SEMA6D: variants seen among roughly 807,000 people sequenced by gnomAD.
SEMA6D encodes the protein semaphorin 6D.
A neutral mutation model predicts 106.6 loss-of-function variants in SEMA6D; 35 were observed. The observed-to-expected ratio is 0.33, with a 90% confidence interval of 0.25 to 0.44. The LOEUF (loss-of-function observed/expected upper bound fraction) is 0.44, where lower values mean the gene tolerates loss of function less well. Ranked by LOEUF, SEMA6D falls within the 20% of genes least tolerant of loss-of-function variation. The pLI is 1.00. For missense variants in SEMA6D, 1,185 were observed against 1,345.9 expected (o/e 0.88, Z 1.87); for synonymous variants, 499 against 487.7 (o/e 1.02, Z -0.31).
At chr15:47,384,489 T>A in intron 1 of SEMA6D, among the ~76,000 whole-genome samples, 1 of 152,252 alleles carries the variant, frequency 6.6e-6, no homozygotes, top group East Asian at 1.9e-4. Flanking sequence ...CCCTGCATGC[T>A]TGCACATGCT....
chr15:47,597,755 A>C (rs1487345232), intron 3 of SEMA6D, among the ~76,000 whole-genome samples: 1 of 151,622 alleles, frequency 6.6e-6, no homozygotes, highest in Non-Finnish European at 1.5e-5. Context: ...GTCAAAGGGC[A>C]GAAAGTTGCA....
At chr15:47,617,764 T>G (rs2077033302) in intron 4 of SEMA6D, among the ~76,000 whole-genome samples, 1 of 152,218 alleles carries the variant, frequency 6.6e-6, no homozygotes. Flanking sequence ...GGTACCTACC[T>G]CTTAGGGCTG....
intron 4 of SEMA6D, among the ~76,000 whole-genome samples, chr15:47,646,049 T>G (rs147381736): frequency 6.6e-6 from 1 of 152,084 alleles, no homozygotes; most frequent in African/African-American, 2.4e-5. Context: ...TTATGGTGGC[T>G]TCATTATGTA....
At chr15:47,451,389 T>C (rs1198054561) in intron 2 of SEMA6D, among the ~76,000 whole-genome samples, 2 of 151,922 alleles carry the variant, frequency 1.3e-5, no homozygotes, top group Non-Finnish European at 2.9e-5. Flanking sequence ...TGCATGGACA[T>C]GGAGGATGGT....
chr15:47,417,401 G>A (rs1026419793), intron 2 of SEMA6D, among the ~76,000 whole-genome samples: 4 of 126,718 alleles, frequency 3.2e-5, no homozygotes, highest in African/African-American at 6.1e-5. Context: ...TGCTTATACT[G>A]TGTGTGTGTA....
chr15:47,408,501 T>G (rs887601937), intron 1 of SEMA6D, among the ~76,000 whole-genome samples: 2 of 152,210 alleles, frequency 1.3e-5, no homozygotes, highest in African/African-American at 4.8e-5. Flanking sequence ...ACTAAATAAC[T>G]TATAATGCTT....
intron 1 of SEMA6D, among the ~76,000 whole-genome samples, chr15:47,352,077 A>C (rs559576997): frequency 6.6e-6 from 1 of 152,338 alleles, no homozygotes; most frequent in African/African-American, 2.4e-5. Flanking sequence ...TAAATGTGGA[A>C]ACTGGAAATC....
Position 47,764,950 on chromosome 15 carries a change from G to A in SEMA6D, c.1321G>A (p.Val441Ile), listed in dbSNP as rs746812700. 1 of 1,613,816 alleles carries A rather than the reference G, an allele frequency of 6.2e-7. No individual in the cohort carries two copies. Among genetic ancestry groups the A allele is most frequent in the Non-Finnish European group, 8.5e-7 (1 of 1,179,882 alleles). Residue 441 changes from valine to isoleucine, a missense_variant, in exon 13 of 19, where the codon GTT becomes ATT. This residue lies in a region of SEMA6D where 291 missense variants were observed against 423.8 expected (regional missense o/e 0.69). Coordinates refer to ENST00000536845, the MANE Select transcript of SEMA6D (RefSeq NM_001358351.3). The part of the protein sequence containing the change: ...GPYQNYTVIF[V>I]GSEAGMVLKV... ...CTACCAGAACTACACAGTCATCTTT[G>A]TTGGCTCTGAAGCTGGCATGGTACT...
chr15:47,760,274 A>G (rs1345277850), intron 2 of SEMA6D, 30 bp from the exon 3 acceptor site: 1 of 1,494,116 alleles, frequency 6.7e-7, no homozygotes, highest in Non-Finnish European at 9.3e-7. Context: ...CATAATCCTG[A>G]ATGATGGTTT....
chr15:47,730,110 T>C lies in SEMA6D; in HGVS notation c.-55+12418T>C, dbSNP rs2080018219. The C allele has an allele frequency of 4.6e-6, 4 of 868,750 alleles. No homozygotes were observed. In the Admixed American group the frequency reaches 8.7e-5, roughly 19 times the overall value. 53.8% of individuals were successfully genotyped at this position (868,750 alleles called of 1,614,324 possible). A position where few individuals can be genotyped will look rare whatever the true frequency, so the allele number is the denominator to read the frequency against. On this transcript the variant is annotated intron_variant, in intron 1 of 18. Coordinates refer to ENST00000536845, the MANE Select transcript of SEMA6D (RefSeq NM_001358351.3). ...AGGAAAATTTATATTATTTTAATTA[T>C]TTTATGTACAGAAAACTCAACAGTG...
At chr15:47,604,405 C>G (rs2076731157) in intron 4 of SEMA6D, among the ~76,000 whole-genome samples, 1 of 152,114 alleles carries the variant, frequency 6.6e-6, no homozygotes. Context: ...TAAGCTATTT[C>G]ATTTCTTAGG....
intron 1 of SEMA6D, among the ~76,000 whole-genome samples, chr15:47,237,431 A>T (rs983982521): frequency 1.7e-5 from 2 of 119,162 alleles, no homozygotes; most frequent in African/African-American, 5.1e-5. Flanking sequence ...GTTTCTAGTA[A>T]TTTTTTTCAC....
At chr15:47,613,454 G>A (rs2076949692) in intron 4 of SEMA6D, among the ~76,000 whole-genome samples, 1 of 152,140 alleles carries the variant, frequency 6.6e-6, no homozygotes, top group African/African-American at 2.4e-5. Flanking sequence ...TCTCTCGGAG[G>A]AAGATAGCAA....
intron 1 of SEMA6D, among the ~76,000 whole-genome samples, chr15:47,352,453 TA>T (rs961950290): frequency 2.0e-5 from 3 of 152,198 alleles, no homozygotes; most frequent in Non-Finnish European, 4.4e-5. Context: ...TACACACTGT[TA>T]TTTCCTCCTT....
intron 3 of SEMA6D, among the ~76,000 whole-genome samples, chr15:47,515,004 T>G (rs905152530): frequency 1.1e-4 from 17 of 152,330 alleles, no homozygotes; most frequent in African/African-American, 4.1e-4. Context: ...GTACCTATTA[T>G]TATTTGATCT....
chr15:47,495,536 A>G (rs968541326), intron 3 of SEMA6D, among the ~76,000 whole-genome samples: 7 of 151,982 alleles, frequency 4.6e-5, no homozygotes, highest in Admixed American at 3.3e-4. Context: ...TTATGAATCC[A>G]TGAATCGCAA....
intron 1 of SEMA6D, among the ~76,000 whole-genome samples, chr15:47,726,828 T>C (rs1026465001): frequency 2.6e-5 from 4 of 152,240 alleles, no homozygotes; most frequent in Admixed American, 2.6e-4. Context: ...GCCCTTGTAC[T>C]GTGCTGTCTT....
At chr15:47,446,180 C>A (rs1199418378) in intron 2 of SEMA6D, among the ~76,000 whole-genome samples, 1 of 152,128 alleles carries the variant, frequency 6.6e-6, no homozygotes, top group South Asian at 2.1e-4. Context: ...CTGACCCCCA[C>A]CCCCACTCCC....
intron 1 of SEMA6D, among the ~76,000 whole-genome samples, chr15:47,289,941 A>C (rs1409248885): frequency 1.3e-5 from 2 of 151,938 alleles, no homozygotes; most frequent in African/African-American, 4.8e-5. Context: ...GGACTGAAAT[A>C]ATTGCTGGGC....
Sources: gnomAD v4.1 joint callset for allele counts (sites outside exome capture counted in the v4.1 genomes callset) on GRCh38, gnomAD v4.1.1 for gene constraint, gnomAD v4.1.1 regional missense constraint, MANE v1.5 for transcripts, NCBI Gene and HGNC (gene_info 2026-07-23, HGNC 2026-07-21) for gene names.